Variants in TTBK1 observed in about 807,000 individuals in gnomAD.
TTBK1 encodes the protein tau tubulin kinase 1, also known as tau-tubulin kinase 1.
TTBK1 carries 34 observed loss-of-function variants against 108.5 expected under a neutral mutation model. The ratio of observed to expected loss-of-function variants is 0.31; its 90% confidence interval spans 0.24 to 0.42. TTBK1 has a LOEUF of 0.42. TTBK1 is among the 10% of genes least tolerant of loss of function. The pLI is 1.00. For synonymous variants in TTBK1, 809 were observed against 795.1 expected (o/e 1.02, Z -0.29); for missense variants, 1,539 against 1,826.0 (o/e 0.84, Z 2.86).
intron 2 of TTBK1, 145 bp downstream of exon 2, chr6:43,246,913 T>A: frequency 1.6e-6 from 1 of 609,426 alleles, no homozygotes; most frequent in Non-Finnish European, 2.9e-6. Flanking sequence ...TGCATGTCAT[T>A]ATTTTTGCCA....
rs769059687 is a variant in TTBK1 at position 43,253,384 on chromosome 6, C to T, written c.330+20C>T. 1.2e-6 allele frequency: 2 copies of T among 1,613,306 alleles called. No homozygotes were observed. The highest frequency in any genetic ancestry group is 3.3e-5 in the Admixed American group (2 of 59,956). ...CTCCAGGTGAGTCCCCGTGGCCCATCCTCGCTCCCCTCTCTAAGAGCTTGG... is the reference window on the plus strand; with the variant it reads ...CTCCAGGTGAGTCCCCGTGGCCCATTCTCGCTCCCCTCTCTAAGAGCTTGG... On this transcript the variant is annotated intron_variant, in intron 4 of 14. Transcript: ENST00000259750. The surrounding 1 kb of genome is among the most constrained non-coding windows in gnomAD (Gnocchi z 5.8).
intron 14 of TTBK1, 95 bp from the exon 15 acceptor site, chr6:43,284,888 A>C: frequency 7.2e-7 from 1 of 1,397,740 alleles, no homozygotes; most frequent in Non-Finnish European, 9.3e-7. Flanking sequence ...AGGATGCCGG[A>C]CTCCAGTGCT....
intron 2 of TTBK1, among the ~76,000 whole-genome samples, chr6:43,249,837 A>G (rs1777190375): frequency 6.6e-6 from 1 of 152,236 alleles, no homozygotes. Flanking sequence ...TCAGCCTCCC[A>G]AAGTACTGGG....
intron 9 of TTBK1, among the ~76,000 whole-genome samples, chr6:43,256,864 A>G (rs1777395017): frequency 6.6e-6 from 1 of 152,184 alleles, no homozygotes. Flanking sequence ...GAGGCCCAAT[A>G]TAGTGGTTAG....
intron 13 of TTBK1, among the ~76,000 whole-genome samples, chr6:43,266,346 T>C (rs1308043022): frequency 1.3e-5 from 2 of 152,262 alleles, no homozygotes; most frequent in African/African-American, 2.4e-5. Context: ...AGCATTTCTA[T>C]TGATGGTAAC....
rs1458113786 is a variant in TTBK1, at chr6:43,273,431, C to T, written c.1987-9296C>T. ...ACCCTGTCTCTCCAGAGACCTCCAA[C>T]CCCTCAATCCCACATGGCCCCAAGC... On this transcript the variant is annotated intron_variant, in intron 13 of 14. Coordinates refer to ENST00000259750, the MANE Select transcript of TTBK1 (RefSeq NM_032538.3). The surrounding 1 kb of genome is among the most constrained non-coding windows in gnomAD (Gnocchi z 4.2). 2.6e-5 allele frequency among the ~76,000 whole-genome samples: 4 copies of T among 152,190 alleles called. No homozygotes were observed. Among genetic ancestry groups the T allele is most frequent in the African/African-American group, 7.2e-5 (3 of 41,446 alleles).
At chr6:43,272,582 G>T in intron 13 of TTBK1, 3 of 985,338 alleles carry the variant, frequency 3.0e-6, no homozygotes, top group Non-Finnish European at 3.6e-6. Context: ...ATCCTCCATG[G>T]TGGAGGGGAG....
At chr6:43,277,817 G>C (rs1320909594) in intron 13 of TTBK1, among the ~76,000 whole-genome samples, 1 of 152,180 alleles carries the variant, frequency 6.6e-6, no homozygotes, top group East Asian at 1.9e-4. Context: ...GGTGATGCAG[G>C]CACATCTCAT....
At chr6:43,258,595 A>G (rs1411084303) in intron 10 of TTBK1, among the ~76,000 whole-genome samples, 1 of 140,866 alleles carries the variant, frequency 7.1e-6, no homozygotes, top group Non-Finnish European at 1.5e-5. Flanking sequence ...AAAGAAGATT[A>G]AATAAAAAAA....
intron 2 of TTBK1, among the ~76,000 whole-genome samples, chr6:43,247,654 G>A (rs952252244): frequency 2.0e-5 from 3 of 152,074 alleles, no homozygotes; most frequent in Non-Finnish European, 4.4e-5. Flanking sequence ...GTGTGTGTGT[G>A]CGTGTGTGCT....
At position 43,259,598 on chromosome 6, in the gene TTBK1, C is replaced by T; in HGVS notation, c.1316C>T (p.Pro439Leu). ...CCCAGCTCCCCAGTGCGTGCCCCCC[C>T]AGACTCCCCCACAACCCCAGTCCGT... is the stretch of plus-strand genomic sequence containing the variant. The part of the protein sequence containing the change: ...GVPSSPVRAP[P>L]DSPTTPVRSL... The change falls in exon 12 of 15, where the codon CCA (proline) becomes CTA (leucine). Residue 439 changes from proline to leucine, a missense_variant. Pro to Leu is a moderately conservative substitution (Grantham distance 98). Transcript: ENST00000259750. The surrounding 1 kb of genome is among the most constrained non-coding windows in gnomAD (Gnocchi z 6.7). The T allele has an allele frequency of 6.2e-7, 1 of 1,611,926 alleles. No homozygotes were observed. Among genetic ancestry groups the T allele is most frequent in the Non-Finnish European group, 8.5e-7 (1 of 1,179,282 alleles).
intron 2 of TTBK1, among the ~76,000 whole-genome samples, chr6:43,251,655 C>A (rs1054555622): frequency 6.6e-6 from 1 of 152,162 alleles, no homozygotes; most frequent in African/African-American, 2.4e-5. Context: ...CACTTTATTG[C>A]GGTTCTCCTC....
At position 43,253,156 on chromosome 6, in the gene TTBK1, G is replaced by T; in HGVS notation, c.257-135G>T. On this transcript the variant is annotated intron_variant, in intron 3 of 14. Transcript: ENST00000259750. The surrounding 1 kb of genome is among the most constrained non-coding windows in gnomAD (Gnocchi z 5.8). ...GGAGACATGATGAGGCTAGGGCCAG[G>T]GAGGTGGCAAGACAGGTGCTCACAG... 9.8e-7 allele frequency: 1 copy of T among 1,024,980 alleles called. No individual in the cohort carries two copies. Among genetic ancestry groups the T allele is most frequent in the Non-Finnish European group, 1.5e-6 (1 of 660,004 alleles). 63.5% of individuals were successfully genotyped at this position (1,024,980 alleles called of 1,614,324 possible).
chr6:43,282,883 C>G lies in TTBK1; in HGVS notation c.2143C>G (p.Leu715Val). ...VRRVGFSHML[L>V]TTPQVPLAPV... ...GAGGGTGGGCTTCTCGCACATGCTG[C>G]TCACCACCCCCCAGGTCCCACTGGC... is the stretch of plus-strand genomic sequence containing the variant. Residue 715 changes from leucine to valine, a missense_variant, in exon 14 of 15, where the codon CTC becomes GTC. By Grantham distance (32) the Leu-to-Val change is conservative. Transcript: ENST00000259750. The surrounding 1 kb of genome is among the most constrained non-coding windows in gnomAD (Gnocchi z 5.4). 6.2e-7 allele frequency: 1 copy of G among 1,613,972 alleles called. No homozygotes were observed. Among genetic ancestry groups the G allele is most frequent in the East Asian group, 2.2e-5 (1 of 44,878 alleles).
At position 43,276,844 on chromosome 6, in the gene TTBK1, C is replaced by T. The variant is rs1387440556; in HGVS notation, c.1987-5883C>T. Among the ~76,000 whole-genome samples the T allele has an allele frequency of 1.3e-5, 2 of 152,148 alleles. No individual in the cohort carries two copies. The highest frequency in any genetic ancestry group is 2.1e-4 in the South Asian group (1 of 4,826). ...GAGCTTCGTCCACACCTTAGCCAGG[C>T]AGCTGGGTGAGGAGGGCACCCCAGA... On this transcript the variant is annotated intron_variant, in intron 13 of 14. Coordinates refer to ENST00000259750, the MANE Select transcript of TTBK1 (RefSeq NM_032538.3). The surrounding 1 kb of genome is among the most constrained non-coding windows in gnomAD (Gnocchi z 5.4).
rs1484541964 is a variant in TTBK1 at position 43,269,960 on chromosome 6, C to T, written c.1986+6610C>T. The T allele has an allele frequency of 1.4e-6, 2 of 1,435,020 alleles. No homozygotes were observed. The highest frequency in any genetic ancestry group is 9.1e-7 in the Non-Finnish European group (1 of 1,098,436). The allele number at this position is 1,435,020 out of a possible 1,614,324, so 88.9% of individuals were successfully genotyped here. On this transcript the variant is annotated intron_variant, in intron 13 of 14. Coordinates refer to ENST00000259750, the MANE Select transcript of TTBK1 (RefSeq NM_032538.3). The surrounding 1 kb of genome is among the most constrained non-coding windows in gnomAD (Gnocchi z 4.8). ...TCACCCACAAGACCTAGGCTGGGCC[C>T]CCCCCCTCCTGGAGGGGGCAGGTGG...
In TTBK1 at chr6:43,287,865, T is replaced by C. The variant is rs1778419351; in HGVS notation, c.*2489T>C. 1 of 152,478 alleles carries C rather than the reference T, an allele frequency of 6.6e-6. No homozygotes were observed. The allele number at this position is 152,478 out of a possible 1,614,324, so 9.4% of individuals were successfully genotyped here. ...CTATGTCACTGACTCAGATGCAGGG[T>C]CTGCTCACCCCAACACATGCCTTCC... On this transcript the variant is annotated 3_prime_UTR_variant, in exon 15 of 15. Transcript: ENST00000259750. The surrounding 1 kb of genome is among the most constrained non-coding windows in gnomAD (Gnocchi z 4.1).
chr6:43,264,207 C>A (rs192654292), intron 13 of TTBK1, among the ~76,000 whole-genome samples: 3 of 152,120 alleles, frequency 2.0e-5, no homozygotes, highest in Non-Finnish European at 4.4e-5. Context: ...CATGGTGAAA[C>A]CCCATCTTTA....
intron 13 of TTBK1, chr6:43,271,945 T>C: frequency 1.0e-6 from 1 of 984,632 alleles, no homozygotes; most frequent in Non-Finnish European, 1.2e-6. Flanking sequence ...TGGGCTGTTT[T>C]GGATGGCTTT....
Sources: allele counts gnomAD v4.1 joint callset (sites outside exome capture counted in the v4.1 genomes callset), GRCh38; gene constraint gnomAD v4.1.1; non-coding constraint Gnocchi (gnomAD v3.1); transcripts MANE v1.5; gene names NCBI Gene and HGNC (gene_info 2026-07-23, HGNC 2026-07-21).